Variants in RALGPS1 observed in about 807,000 individuals in gnomAD.
RALGPS1 encodes Ral GEF with PH domain and SH3 binding motif 1.
In RALGPS1, 19 loss-of-function variants were observed where a neutral mutation model predicts 78.8. The observed-to-expected ratio is 0.24, with a 90% CI of 0.17 to 0.35. The LOEUF is 0.35. Ranked by LOEUF, RALGPS1 falls within the 10% of genes least tolerant of loss-of-function variation. RALGPS1 has a pLI of 1.00. For synonymous variants in RALGPS1, 228 were observed against 256.3 expected (o/e 0.89, Z 1.06); for missense variants, 454 against 688.3 (o/e 0.66, Z 3.81).
intron 8 of RALGPS1, chr9:127,094,022 C>G: frequency 7.1e-7 from 1 of 1,412,564 alleles, no homozygotes; most frequent in Non-Finnish European, 9.6e-7. Context: ...TGTTGAGGCT[C>G]CAGCTGGGAG....
rs1199015390 is a variant in RALGPS1 at position 127,118,498 on chromosome 9, C to T, written c.611-47571C>T. On this transcript the variant is annotated intron_variant, in intron 8 of 18. Coordinates refer to ENST00000259351, the MANE Select transcript of RALGPS1 (RefSeq NM_014636.3). The stretch of plus-strand genomic sequence containing the variant: ...TCCACAGTGTGGTTGTCCAGGATGG[C>T]AGCAGGCTGGGGTGGAACCAGCACA... 3.9e-5 allele frequency among the ~76,000 whole-genome samples: 6 copies of T among 152,208 alleles called. No homozygotes were observed. In the East Asian group the frequency reaches 9.6e-4, roughly 24 times the overall value.
chr9:127,061,925 G>A (rs2049247950), intron 7 of RALGPS1, among the ~76,000 whole-genome samples: 1 of 152,028 alleles, frequency 6.6e-6, no homozygotes, highest in Admixed American at 6.5e-5. Flanking sequence ...CTCTACTCTT[G>A]GGTCTTTGTG....
chr9:127,024,055 A>AAAAAAAAG (rs2045739547), intron 4 of RALGPS1, among the ~76,000 whole-genome samples: 3 of 150,398 alleles, frequency 2.0e-5, no homozygotes, highest in African/African-American at 7.3e-5. Context: ...AAAAAAAAAA[A>AAAAAAAAG]GGACAGAAGC....
intron 8 of RALGPS1, among the ~76,000 whole-genome samples, chr9:127,110,273 C>T (rs1013714350): frequency 6.6e-6 from 1 of 152,180 alleles, no homozygotes; most frequent in Non-Finnish European, 1.5e-5. Context: ...TCTTGATCCT[C>T]ATTAATATTT....
rs557762626 is a variant in RALGPS1 at position 127,127,431 on chromosome 9, A to G, written c.611-38638A>G. 1.1e-3 allele frequency among the ~76,000 whole-genome samples: 171 copies of G among 152,186 alleles called. 1 individual carries two copies. The highest frequency in any genetic ancestry group is 7.9e-4 in the Non-Finnish European group (54 of 67,990). ...CCCAATGAATTTGTTTTCTCACCCA[A>G]ACCTTCTGTACCCGTTCTGCTGTTG... On this transcript the variant is annotated intron_variant, in intron 8 of 18. Transcript: ENST00000259351.
chr9:127,060,509 CTGT>C (rs35010607), intron 7 of RALGPS1, among the ~76,000 whole-genome samples: 77,010 of 150,716 alleles, frequency 0.51, 20,380 homozygotes, highest in African/African-American at 0.64. Flanking sequence ...TAAGTATTAC[CTGT>C]TGTTGTTGTT....
chr9:127,124,253 G>T (rs1281580780), intron 8 of RALGPS1, among the ~76,000 whole-genome samples: 1 of 152,232 alleles, frequency 6.6e-6, no homozygotes, highest in African/African-American at 2.4e-5. Context: ...AGGCAGCGCA[G>T]TCTCTACCCT....
At chr9:126,935,923 G>A (rs1160253250) in intron 1 of RALGPS1, among the ~76,000 whole-genome samples, 1 of 152,244 alleles carries the variant, frequency 6.6e-6, no homozygotes, top group Non-Finnish European at 1.5e-5. Context: ...TGCTGCCTAT[G>A]CTCTTGGAGG....
intron 8 of RALGPS1, among the ~76,000 whole-genome samples, chr9:127,164,916 G>T (rs1443870406): frequency 6.6e-6 from 1 of 152,078 alleles, no homozygotes; most frequent in African/African-American, 2.4e-5. Flanking sequence ...ATATATATGT[G>T]TATGATGTAT....
intron 8 of RALGPS1, among the ~76,000 whole-genome samples, chr9:127,101,189 A>T (rs1421543690): frequency 1.3e-5 from 2 of 152,220 alleles, no homozygotes; most frequent in Non-Finnish European, 2.9e-5. Flanking sequence ...AATGGTGATG[A>T]TCATGTATCT....
At chr9:127,153,858 C>A (rs967139132) in intron 8 of RALGPS1, among the ~76,000 whole-genome samples, 14 of 152,324 alleles carry the variant, frequency 9.2e-5, no homozygotes, top group African/African-American at 3.4e-4. Context: ...AGAACCAGTG[C>A]ACCAATTGGT....
intron 1 of RALGPS1, among the ~76,000 whole-genome samples, chr9:126,945,472 A>G (rs2037172627): frequency 6.6e-6 from 1 of 152,190 alleles, no homozygotes; most frequent in Non-Finnish European, 1.5e-5. Flanking sequence ...TGCTGGGATT[A>G]AAGGCATGAG....
At chr9:127,130,844 T>G (rs1238100633) in intron 8 of RALGPS1, among the ~76,000 whole-genome samples, 1 of 152,202 alleles carries the variant, frequency 6.6e-6, no homozygotes, top group Non-Finnish European at 1.5e-5. Flanking sequence ...AGCCTGCCCT[T>G]TCAACCTCTT....
intron 8 of RALGPS1, among the ~76,000 whole-genome samples, chr9:127,140,287 G>C (rs2057680671): frequency 1.3e-5 from 2 of 152,332 alleles, no homozygotes; most frequent in East Asian, 3.9e-4. Flanking sequence ...TCAGATGGAC[G>C]TGCTGTGGCT....
intron 8 of RALGPS1, among the ~76,000 whole-genome samples, chr9:127,092,495 G>A (rs1490393450): frequency 3.3e-5 from 5 of 152,036 alleles, no homozygotes; most frequent in African/African-American, 7.2e-5. Flanking sequence ...GCTGAGTTAC[G>A]GCCACTAAAG....
chr9:127,033,434 T>C (rs2046594888), intron 4 of RALGPS1, among the ~76,000 whole-genome samples: 1 of 152,172 alleles, frequency 6.6e-6, no homozygotes, highest in African/African-American at 2.4e-5. Flanking sequence ...CCTGCTCTCC[T>C]AGGAGACCCC....
At chr9:127,151,944 G>A (rs2058447787) in intron 8 of RALGPS1, among the ~76,000 whole-genome samples, 1 of 152,144 alleles carries the variant, frequency 6.6e-6, no homozygotes, top group South Asian at 2.1e-4. Flanking sequence ...CTGAGGGAGA[G>A]CTTGCCAACC....
At chr9:127,213,190 T>C (rs2062377468) in intron 17 of RALGPS1, 141 bp downstream of exon 17, 1 of 1,454,184 alleles carries the variant, frequency 6.9e-7, no homozygotes, top group South Asian at 1.4e-5. Flanking sequence ...ATGGGGTCCA[T>C]GCTAGTCCAC....
At chr9:127,093,862 C>T in intron 8 of RALGPS1, 1 of 1,614,118 alleles carries the variant, frequency 6.2e-7, no homozygotes, top group Non-Finnish European at 8.5e-7. Context: ...TCTCCGGCTT[C>T]ACCAGGTAGA....
Sources: allele counts gnomAD v4.1 joint callset (sites outside exome capture counted in the v4.1 genomes callset), GRCh38; gene constraint gnomAD v4.1.1; transcripts MANE v1.5; gene names NCBI Gene and HGNC (gene_info 2026-07-23, HGNC 2026-07-21).